The following POMZP3 variants were observed in gnomAD, a reference collection of about 807,000 sequenced individuals.
The protein encoded by POMZP3 is POM121 and ZP3 fusion protein.
POMZP3 carries 10 observed loss-of-function variants against 19.8 expected under a neutral mutation model. The ratio of observed to expected loss-of-function variants is 0.51; its 90% confidence interval spans 0.31 to 0.86. The LOEUF is 0.86. POMZP3 is among the 40% of genes least tolerant of loss of function. The pLI, the probability that POMZP3 is intolerant of heterozygous loss-of-function variation, is 0.04. For synonymous variants in POMZP3, 57 were observed against 85.8 expected (o/e 0.66, Z 1.85); for missense variants, 152 against 228.1 (o/e 0.67, Z 2.15).
chr7:76,624,947 A>G (rs1248625911), intron 3 of POMZP3, among the ~76,000 whole-genome samples: 3 of 151,176 alleles, frequency 2.0e-5, no homozygotes, highest in Admixed American at 6.6e-5. Context: ...CCTGGCCAAC[A>G]TGGTGAAACC....
chr7:76,611,623 G>C (rs1228975680), intron 5 of POMZP3, 32 bp from the exon 6 acceptor site: 2 of 1,584,016 alleles, frequency 1.3e-6, no homozygotes, highest in Admixed American at 1.7e-5. Flanking sequence ...TTAGATTTTT[G>C]TTGCCTGCAG....
intron 4 of POMZP3, among the ~76,000 whole-genome samples, chr7:76,613,022 C>A (rs2116848940): frequency 1.9e-5 from 1 of 52,500 alleles, no homozygotes; most frequent in Admixed American, 2.0e-4. Context: ...TCAAGCAATT[C>A]TCCTGCCTCA....
intron 3 of POMZP3, chr7:76,618,526 C>A (rs1411688762): frequency 1.7e-6 from 1 of 592,524 alleles, no homozygotes; most frequent in Non-Finnish European, 2.8e-6. Flanking sequence ...GAGGCTGAGG[C>A]AGGAGAATCG....
chr7:76,618,473 T>C (rs774661920), intron 3 of POMZP3, 173 bp from the exon 4 acceptor site: 1 of 941,200 alleles, frequency 1.1e-6, no homozygotes, highest in Non-Finnish European at 1.6e-6. Context: ...AATACAAAAA[T>C]TAGCTGGGTG....
chr7:76,610,112 C>A lies in POMZP3; in HGVS notation c.*115G>T. ...CCACAGCCAGGCCTACGCCCAGCAGCACCACTGAGGTGTCAGAAGGCAAAG... is the reference window on the plus strand; with the variant it reads ...CCACAGCCAGGCCTACGCCCAGCAGAACCACTGAGGTGTCAGAAGGCAAAG... On this transcript the variant is annotated 3_prime_UTR_variant, in exon 7 of 7. Coordinates refer to ENST00000310842, the MANE Select transcript of POMZP3 (RefSeq NM_012230.5). 6.6e-7 allele frequency: 1 copy of A among 1,526,082 alleles called. No individual in the cohort carries two copies. Among genetic ancestry groups the A allele is most frequent in the South Asian group, 1.1e-5 (1 of 88,670 alleles). 94.5% of individuals were successfully genotyped at this position (1,526,082 alleles called of 1,614,324 possible).
In POMZP3 at chr7:76,617,796, C is replaced by T. The variant is rs1180710698; in HGVS notation, c.345+387G>A. ...CTCCCAGGTTCAAGCTATTCTCCTG[C>T]TTCAGCCTCCCAGGTAGCTGGGATT... On this transcript the variant is annotated intron_variant, in intron 4 of 6. Coordinates refer to ENST00000310842, the MANE Select transcript of POMZP3 (RefSeq NM_012230.5). Among the ~76,000 whole-genome samples the T allele has an allele frequency of 4.3e-4, 37 of 86,110 alleles. 1 individual carries two copies. Among genetic ancestry groups the T allele is most frequent in the African/African-American group, 2.4e-3 (35 of 14,712 alleles). The allele number at this position is 86,110 out of a possible 152,430, so 56.5% of individuals were successfully genotyped here. A position where few individuals can be genotyped will look rare whatever the true frequency, so the allele number is the denominator to read the frequency against.
chr7:76,616,893 C>G (rs1408322352), intron 4 of POMZP3, among the ~76,000 whole-genome samples: 1 of 95,120 alleles, frequency 1.1e-5, no homozygotes, highest in Admixed American at 1.0e-4. Flanking sequence ...CATGGTGGCT[C>G]ACGCCTGTAA....
intron 3 of POMZP3, among the ~76,000 whole-genome samples, chr7:76,622,854 C>G (rs184554019): frequency 1.4e-3 from 207 of 151,686 alleles, no homozygotes; most frequent in African/African-American, 4.7e-3. Flanking sequence ...AGCCCTTTTT[C>G]TTTTTTAATC....
At chr7:76,611,975 T>G (rs377154384) in intron 4 of POMZP3, among the ~76,000 whole-genome samples, 162 bp from the exon 5 acceptor site, 2,744 of 148,308 alleles carry the variant, frequency 0.019, 87 homozygotes, top group African/African-American at 0.057. Context: ...AAGGCGGGTA[T>G]ATCACCTGAG....
intron 3 of POMZP3, among the ~76,000 whole-genome samples, chr7:76,619,387 TTAAAATAAAATAAAA>T (rs66520553): frequency 6.8e-5 from 10 of 147,428 alleles, no homozygotes; most frequent in Non-Finnish European, 1.5e-4. Flanking sequence ...GACTCTGTCT[TTAAAATAAAATAAAA>T]TAAAATAAAA....
chr7:76,623,399 T>C (rs1815682111), intron 3 of POMZP3, among the ~76,000 whole-genome samples: 1 of 150,696 alleles, frequency 6.6e-6, no homozygotes, highest in South Asian at 2.1e-4. Flanking sequence ...ACTCTATTTC[T>C]GTCCAGAACC....
At chr7:76,619,663 A>C (rs1239439850) in intron 3 of POMZP3, among the ~76,000 whole-genome samples, 1 of 147,598 alleles carries the variant, frequency 6.8e-6, no homozygotes, top group African/African-American at 2.5e-5. Flanking sequence ...AGTGCTCTGA[A>C]GCAACTGAAA....
chr7:76,625,132 C>CAAAAAA (rs59816962), intron 3 of POMZP3, among the ~76,000 whole-genome samples: 6 of 54,382 alleles, frequency 1.1e-4, no homozygotes, highest in Admixed American at 2.3e-4. Flanking sequence ...GACTCCAACT[C>CAAAAAA]AAAAAAAAAA....
intron 3 of POMZP3, among the ~76,000 whole-genome samples, chr7:76,622,151 C>T (rs1195516140): frequency 6.7e-6 from 1 of 148,158 alleles, no homozygotes. Context: ...GAATAATCCA[C>T]CCCTTGTTTA....
chr7:76,619,028 T>C (rs949373527), intron 3 of POMZP3, among the ~76,000 whole-genome samples: 3 of 152,034 alleles, frequency 2.0e-5, no homozygotes, highest in African/African-American at 7.3e-5. Context: ...GCTCACGCAT[T>C]CCTCTTGTCT....
intron 3 of POMZP3, among the ~76,000 whole-genome samples, chr7:76,620,390 A>T: frequency 8.0e-6 from 1 of 125,494 alleles, no homozygotes. Context: ...GGGTATTTGC[A>T]AACTTTTCAG....
intron 4 of POMZP3, 114 bp from the exon 5 acceptor site, chr7:76,611,927 G>C (rs397840467): frequency 5.3e-6 from 8 of 1,521,482 alleles, no homozygotes; most frequent in African/African-American, 1.5e-5. Flanking sequence ...GGCCGGGTGC[G>C]ATGGCACACA....
intron 3 of POMZP3, among the ~76,000 whole-genome samples, chr7:76,618,870 C>G (rs1280432502): frequency 5.9e-5 from 9 of 151,860 alleles, no homozygotes; most frequent in Non-Finnish European, 1.5e-5. Context: ...TCACTGCAGC[C>G]TCGACCTCCT....
rs1391700206 is a variant in POMZP3 at position 76,626,092 on chromosome 7, C to T, written c.-28G>A. The T allele has an allele frequency of 5.0e-6, 8 of 1,613,690 alleles. No homozygotes were observed. Among genetic ancestry groups the T allele is most frequent in the African/African-American group, 2.7e-5 (2 of 74,916 alleles). On this transcript the variant is annotated 5_prime_UTR_variant, in exon 2 of 7. Coordinates refer to ENST00000310842, the MANE Select transcript of POMZP3 (RefSeq NM_012230.5). The stretch of plus-strand genomic sequence containing the variant: ...TGGAGTTGCGAGGGGACAGCACAGC[C>T]TTCTTGTGATAACCATTCCAGCACA...
Sources: allele counts gnomAD v4.1 joint callset (sites outside exome capture counted in the v4.1 genomes callset), GRCh38; gene constraint gnomAD v4.1.1; transcripts MANE v1.5; gene names NCBI Gene and HGNC (gene_info 2026-07-23, HGNC 2026-07-21).